The following DCHS2 variants were observed in gnomAD, a reference collection of about 807,000 sequenced individuals.
DCHS2 encodes the protein dachsous cadherin-related 2, also known as protocadherin-23.
DCHS2 carries 142 observed loss-of-function variants against 182.4 expected under a neutral mutation model. The observed-to-expected ratio is 0.78, with a 90% CI of 0.68 to 0.89. The LOEUF (loss-of-function observed/expected upper bound fraction) is 0.89. Among genes scored for constraint, DCHS2 ranks in the 40% least tolerant of loss-of-function variants. The pLI, the probability that DCHS2 is intolerant of heterozygous loss-of-function variation, is 0.00. For missense variants in DCHS2, 4,319 were observed against 4,198.6 expected (o/e 1.03, Z -0.79); for synonymous variants, 1,740 against 1,663.3 (o/e 1.05, Z -1.12).
intron 1 of DCHS2, among the ~76,000 whole-genome samples, chr4:154,392,765 G>T (rs961201898): frequency 2.6e-5 from 4 of 152,122 alleles, no homozygotes; most frequent in Non-Finnish European, 5.9e-5. Flanking sequence ...CTATTTAGGG[G>T]ACTTCTTATT....
rs1579024452 is a variant in DCHS2 at position 154,377,577 on chromosome 4, A to G, written c.2053-133T>C. 4.7e-6 allele frequency: 3 copies of G among 632,528 alleles called. No homozygotes were observed. The East Asian group carries it at 8.6e-5, about 18-fold the overall frequency. 39.2% of individuals were successfully genotyped at this position (632,528 alleles called of 1,614,324 possible). On this transcript the variant is annotated intron_variant, in intron 1 of 19. Coordinates refer to ENST00000357232, the MANE Select transcript of DCHS2 (RefSeq NM_001358235.2). The stretch of plus-strand genomic sequence containing the variant: ...TTCACAAAGCCTAGGCTTTGGTTTC[A>G]TATCTCTCTCCTCGCTTACCTTCTG...
intron 1 of DCHS2, among the ~76,000 whole-genome samples, chr4:154,447,114 A>G (rs1208519370): frequency 9.2e-5 from 14 of 152,108 alleles, no homozygotes; most frequent in Non-Finnish European, 2.1e-4. Context: ...CAACACGGCG[A>G]AACCCCATCT....
intron 1 of DCHS2, among the ~76,000 whole-genome samples, chr4:154,419,839 C>G (rs566044290): frequency 7.5e-6 from 1 of 133,642 alleles, no homozygotes; most frequent in African/African-American, 2.6e-5. Context: ...AAAAAAAAGC[C>G]AGAGAAGAAC....
Position 154,234,530 on chromosome 4 carries a change from G to A in DCHS2, c.*6C>T, listed in dbSNP as rs1181701199. On this transcript the variant is annotated 3_prime_UTR_variant, in exon 20 of 20. Transcript: ENST00000357232. ...TGGTGAGCAGGTACTTGGCATCCCAGTGGTTTCATATTTGAACTTCATCTT... is the reference window on the plus strand; with the variant it reads ...TGGTGAGCAGGTACTTGGCATCCCAATGGTTTCATATTTGAACTTCATCTT... 1.0e-5 allele frequency: 16 copies of A among 1,598,064 alleles called. No homozygotes were observed. The highest frequency in any genetic ancestry group is 1.3e-5 in the African/African-American group (1 of 74,570).
At position 154,320,623 on chromosome 4, in the gene DCHS2, C is replaced by G. The variant is rs772912052; in HGVS notation, c.4776G>C (p.Gln1592His). The G allele has an allele frequency of 6.2e-7, 1 of 1,614,124 alleles. No individual in the cohort carries two copies. Among genetic ancestry groups the G allele is most frequent in the Non-Finnish European group, 8.5e-7 (1 of 1,180,008 alleles). The change falls in exon 9 of 20, where the codon CAG becomes CAC. Residue 1592 changes from glutamine to histidine, a missense_variant. Coordinates refer to ENST00000357232, the MANE Select transcript of DCHS2 (RefSeq NM_001358235.2). ...TVILTVTASD[Q>H]AVNVTDRRLR... is the part of the protein sequence containing the mutation. ...GTCGCCGGTCTGTCACATTCACAGC[C>G]TGATCAGATGCTGTTACTGTCAGGA...
intron 1 of DCHS2, among the ~76,000 whole-genome samples, chr4:154,477,352 T>C (rs1268974462): frequency 6.6e-6 from 1 of 152,146 alleles, no homozygotes; most frequent in East Asian, 1.9e-4. Context: ...CCCAAAAGGA[T>C]CACATTGAGG....
chr4:154,385,987 T>G (rs1224421202), intron 1 of DCHS2, among the ~76,000 whole-genome samples: 1 of 152,058 alleles, frequency 6.6e-6, no homozygotes, highest in African/African-American at 2.4e-5. Context: ...TCACACGTCT[T>G]AAGTGACTAA....
intron 1 of DCHS2, among the ~76,000 whole-genome samples, chr4:154,406,361 G>T (rs982734333): frequency 6.6e-6 from 1 of 152,136 alleles, no homozygotes; most frequent in Admixed American, 6.5e-5. Flanking sequence ...TTAGAAAGGC[G>T]CCCTGAATCA....
At chr4:154,261,033 T>C (rs1189086994) in intron 14 of DCHS2, among the ~76,000 whole-genome samples, 2 of 152,242 alleles carry the variant, frequency 1.3e-5, no homozygotes, top group African/African-American at 2.4e-5. Context: ...ACTCAATGTA[T>C]TATTTTTATT....
chr4:154,331,964 C>T (rs1274009642), intron 5 of DCHS2, among the ~76,000 whole-genome samples: 2 of 152,044 alleles, frequency 1.3e-5, no homozygotes, highest in Admixed American at 6.5e-5. Flanking sequence ...CTCTGGTTCC[C>T]CTGTCAGAAT....
intron 3 of DCHS2, among the ~76,000 whole-genome samples, chr4:154,361,400 G>T (rs1225744760): frequency 1.3e-5 from 2 of 152,040 alleles, no homozygotes; most frequent in African/African-American, 4.8e-5. Context: ...CAAAGCTAAA[G>T]AACTGCTCTT....
intron 1 of DCHS2, among the ~76,000 whole-genome samples, chr4:154,387,811 A>G (rs377083991): frequency 4.6e-5 from 7 of 152,284 alleles, no homozygotes; most frequent in African/African-American, 1.7e-4. Context: ...TAGAAAGAGG[A>G]CTTCAAAGAT....
At chr4:154,419,362 T>G (rs62331912) in intron 1 of DCHS2, among the ~76,000 whole-genome samples, 2 of 151,936 alleles carry the variant, frequency 1.3e-5, no homozygotes, top group South Asian at 4.2e-4. Flanking sequence ...ACTTTTACAT[T>G]GTGTGAAAAA....
rs538679906 is a variant in DCHS2, at chr4:154,273,903, C to T, written c.6464-3890G>A. On this transcript the variant is annotated intron_variant, in intron 13 of 19. Transcript: ENST00000357232. ...AGGGAGTAAGGCTATAGGAGTCTAC[C>T]CTGCTGCTGGGTGCACAGTAACAGA... Among the ~76,000 whole-genome samples, 68 of 152,146 alleles carry T rather than the reference C, an allele frequency of 4.5e-4. 1 individual carries two copies. The highest frequency in any genetic ancestry group is 6.6e-4 in the Non-Finnish European group (45 of 68,002).
intron 14 of DCHS2, among the ~76,000 whole-genome samples, chr4:154,267,713 G>A (rs1017113544): frequency 1.5e-5 from 2 of 133,762 alleles, no homozygotes; most frequent in East Asian, 2.3e-4. Flanking sequence ...TCTTCCCGAA[G>A]CCTAGCTTTA....
chr4:154,479,624 T>C (rs1396413370), intron 1 of DCHS2, among the ~76,000 whole-genome samples: 1 of 152,218 alleles, frequency 6.6e-6, no homozygotes, highest in Non-Finnish European at 1.5e-5. Flanking sequence ...CTGAATACTA[T>C]TGTGTTCCAA....
chr4:154,275,539 A>G (rs1733815091), intron 13 of DCHS2, among the ~76,000 whole-genome samples: 1 of 152,120 alleles, frequency 6.6e-6, no homozygotes, highest in Admixed American at 6.6e-5. Context: ...TTGTTAATAT[A>G]AAAATGTCTT....
At chr4:154,289,719 C>G (rs1484207508) in intron 13 of DCHS2, among the ~76,000 whole-genome samples, 1 of 152,006 alleles carries the variant, frequency 6.6e-6, no homozygotes, top group Non-Finnish European at 1.5e-5. Context: ...TTCAACAACA[C>G]ATTAAGAAGA....
rs1410435385 is a variant in DCHS2, at chr4:154,232,902, C to A, written c.*1634G>T. ...ATGTTTCATACAATTTGTAATATAGCTTTATACATTTGTTCCCAATCTCAG... is the reference window on the plus strand; with the variant it reads ...ATGTTTCATACAATTTGTAATATAGATTTATACATTTGTTCCCAATCTCAG... On this transcript the variant is annotated 3_prime_UTR_variant, in exon 20 of 20. Transcript: ENST00000357232. The A allele has an allele frequency of 1.3e-5, 2 of 151,998 alleles. No homozygotes were observed. Among genetic ancestry groups the A allele is most frequent in the East Asian group, 3.9e-4 (2 of 5,188 alleles). 9.4% of individuals were successfully genotyped at this position (151,998 alleles called of 1,614,324 possible).
Sources: gnomAD v4.1 joint callset for allele counts (sites outside exome capture counted in the v4.1 genomes callset) on GRCh38, gnomAD v4.1.1 for gene constraint, MANE v1.5 for transcripts, NCBI Gene and HGNC (gene_info 2026-07-23, HGNC 2026-07-21) for gene names.